The following MGAT4C variants were observed in gnomAD, a reference collection of about 807,000 sequenced individuals.
MGAT4C encodes MGAT4 family member C, also known as alpha-1,3-mannosyl-glycoprotein 4-beta-N-acetylglucosaminyltransferase C.
Under a neutral mutation model 40.1 loss-of-function variants are expected in MGAT4C, and 19 were observed. The ratio of observed to expected loss-of-function variants is 0.47; its 90% CI spans 0.33 to 0.70. MGAT4C has a LOEUF of 0.70. MGAT4C is among the 30% of genes least tolerant of loss of function. The pLI is 0.02. For synonymous variants in MGAT4C, 181 were observed against 187.1 expected (o/e 0.97, Z 0.27); for missense variants, 491 against 563.2 (o/e 0.87, Z 1.30).
At chr12:86,547,316 C>T (rs1442276385) in intron 2 of MGAT4C, among the ~76,000 whole-genome samples, 1 of 151,918 alleles carries the variant, frequency 6.6e-6, no homozygotes, top group Non-Finnish European at 1.5e-5. Context: ...TCCCCCCTTC[C>T]TCTTCCTGCT....
intron 1 of MGAT4C, among the ~76,000 whole-genome samples, chr12:86,186,208 C>A (rs1888735785): frequency 6.6e-6 from 1 of 152,136 alleles, no homozygotes; most frequent in South Asian, 2.1e-4. Context: ...ACATATTTGA[C>A]ATGTCACCAT....
At chr12:86,659,879 T>C (rs1026867071) in intron 2 of MGAT4C, among the ~76,000 whole-genome samples, 2 of 151,822 alleles carry the variant, frequency 1.3e-5, no homozygotes, top group African/African-American at 4.8e-5. Flanking sequence ...CAAGAAGGTT[T>C]GCTGGGGGAA....
At chr12:86,550,037 C>T (rs145431919) in intron 2 of MGAT4C, among the ~76,000 whole-genome samples, 1,563 of 152,246 alleles carry the variant, frequency 0.01, 18 homozygotes, top group Non-Finnish European at 0.016. Flanking sequence ...GGGGCAGTTT[C>T]CCCCAAGCTG....
chr12:86,135,871 A>T (rs1881873528), intron 1 of MGAT4C, among the ~76,000 whole-genome samples: 1 of 152,220 alleles, frequency 6.6e-6, no homozygotes, highest in African/African-American at 2.4e-5. Context: ...ATTACGATGC[A>T]TGTGAAATCT....
chr12:86,004,818 G>A (rs897778150), intron 2 of MGAT4C, among the ~76,000 whole-genome samples: 1 of 152,110 alleles, frequency 6.6e-6, no homozygotes, highest in African/African-American at 2.4e-5. Flanking sequence ...ATAAAATGGT[G>A]AGTTATTTTT....
intron 1 of MGAT4C, among the ~76,000 whole-genome samples, chr12:86,810,622 A>G (rs2136215314): frequency 6.6e-6 from 1 of 152,048 alleles, no homozygotes; most frequent in East Asian, 1.9e-4. Context: ...TGGATATGGT[A>G]GATAACATTA....
intron 2 of MGAT4C, among the ~76,000 whole-genome samples, chr12:86,583,208 C>T (rs1373400843): frequency 6.6e-6 from 1 of 151,110 alleles, no homozygotes; most frequent in Non-Finnish European, 1.5e-5. Context: ...ACATGAAACA[C>T]TAAGAAAGCA....
intron 2 of MGAT4C, among the ~76,000 whole-genome samples, chr12:86,659,589 G>A (rs1466697357): frequency 6.6e-6 from 1 of 151,868 alleles, no homozygotes; most frequent in Non-Finnish European, 1.5e-5. Context: ...GATAGTAAGA[G>A]GAAAACTAAA....
At chr12:86,638,472 A>G (rs1963286922) in intron 2 of MGAT4C, among the ~76,000 whole-genome samples, 2 of 151,890 alleles carry the variant, frequency 1.3e-5, no homozygotes, top group Admixed American at 1.3e-4. Flanking sequence ...AATTAGGATA[A>G]GATGAGGTAA....
chr12:86,080,988 G>A (rs1870731724), intron 1 of MGAT4C, among the ~76,000 whole-genome samples: 1 of 152,078 alleles, frequency 6.6e-6, no homozygotes, highest in Non-Finnish European at 1.5e-5. Flanking sequence ...TGTTTTCTGA[G>A]CATTCAACTT....
chr12:86,162,360 G>A (rs1403073048), intron 1 of MGAT4C, among the ~76,000 whole-genome samples: 1 of 152,094 alleles, frequency 6.6e-6, no homozygotes, highest in African/African-American at 2.4e-5. Context: ...GGATGGAGCT[G>A]GAGGCCACAA....
At chr12:86,456,314 A>T (rs765317623) in intron 2 of MGAT4C, among the ~76,000 whole-genome samples, 6 of 152,114 alleles carry the variant, frequency 3.9e-5, no homozygotes, top group Non-Finnish European at 8.8e-5. Flanking sequence ...CGGAAGAGCC[A>T]CATAATCAAC....
At chr12:86,658,246 T>G (rs912654142) in intron 2 of MGAT4C, among the ~76,000 whole-genome samples, 1 of 152,070 alleles carries the variant, frequency 6.6e-6, no homozygotes, top group African/African-American at 2.4e-5. Flanking sequence ...AATTATTTTA[T>G]AAAGCAATCA....
intron 2 of MGAT4C, among the ~76,000 whole-genome samples, chr12:86,555,885 G>T (rs2136402171): frequency 6.6e-6 from 1 of 152,092 alleles, no homozygotes; most frequent in South Asian, 2.1e-4. Flanking sequence ...TGATTCCTTT[G>T]ACTCCCCCTG....
At chr12:86,831,579 T>C (rs1487397119) in intron 1 of MGAT4C, among the ~76,000 whole-genome samples, 3 of 151,808 alleles carry the variant, frequency 2.0e-5, no homozygotes, top group African/African-American at 4.8e-5. Flanking sequence ...ATAGTAAATC[T>C]AAAGACATAT....
At chr12:86,032,189 C>T (rs935673502) in intron 2 of MGAT4C, among the ~76,000 whole-genome samples, 1 of 151,812 alleles carries the variant, frequency 6.6e-6, no homozygotes, top group Non-Finnish European at 1.5e-5. Context: ...AGATTTATTC[C>T]ATGTCTTTCC....
rs796825331 is a variant in MGAT4C at position 86,706,260 on chromosome 12, G to A, written c.-229+20949C>T. The stretch of plus-strand genomic sequence containing the variant: ...TAAAATATGATTTTATTGCAAGACA[G>A]GGAATTTGAGGGAGAGAATTAATTT... On this transcript the variant is annotated intron_variant, in intron 2 of 7. Transcript: ENST00000548651. Among the ~76,000 whole-genome samples the A allele has an allele frequency of 9.2e-5, 14 of 152,246 alleles. 1 individual carries two copies. The highest frequency in any genetic ancestry group is 3.1e-4 in the African/African-American group (13 of 41,566).
At chr12:86,414,520 G>A (rs1956669700) in intron 3 of MGAT4C, among the ~76,000 whole-genome samples, 1 of 152,034 alleles carries the variant, frequency 6.6e-6, no homozygotes, top group African/African-American at 2.4e-5. Flanking sequence ...CAATATATGA[G>A]TTGTCAGAAA....
intron 1 of MGAT4C, among the ~76,000 whole-genome samples, chr12:86,767,510 A>C (rs1951535671): frequency 6.6e-6 from 1 of 152,178 alleles, no homozygotes; most frequent in African/African-American, 2.4e-5. Flanking sequence ...TCCCTAACTC[A>C]TTTTATGAGG....
Sources: gnomAD v4.1 joint callset for allele counts (sites outside exome capture counted in the v4.1 genomes callset) on GRCh38, gnomAD v4.1.1 for gene constraint, MANE v1.5 for transcripts, NCBI Gene and HGNC (gene_info 2026-07-23, HGNC 2026-07-21) for gene names.